ZNF229: variants seen among roughly 807,000 people sequenced by gnomAD.
The protein encoded by ZNF229 is zinc finger protein 229.
In ZNF229, 10 loss-of-function variants were observed where a neutral mutation model predicts 11.8. The ratio of observed to expected loss-of-function variants is 0.85; its 90% CI spans 0.52 to 1.44. The LOEUF (loss-of-function observed/expected upper bound fraction) is 1.44, where lower values mean the gene tolerates loss of function less well. Ranked by LOEUF, ZNF229 falls within the 40% of genes most tolerant of loss-of-function variation. The pLI is 0.00. For missense variants in ZNF229, 1,045 were observed against 1,015.1 expected (o/e 1.03, Z -0.40); for synonymous variants, 368 against 374.8 (o/e 0.98, Z 0.21).
intron 3 of ZNF229, 48 bp from the exon 4 acceptor site, chr19:44,442,669 G>A (rs1971934078): frequency 6.2e-7 from 1 of 1,609,646 alleles, no homozygotes; most frequent in East Asian, 2.2e-5. Context: ...GCTGCCTGAA[G>A]CTCTAGATCA....
chr19:44,429,518 T>C lies in ZNF229; in HGVS notation c.1263A>G (p.Gln421=). The change falls in exon 6 of 6, where the codon CAA becomes CAG. Residue 421 remains glutamine (Q), a synonymous_variant. Coordinates refer to ENST00000614049, the MANE Select transcript of ZNF229 (RefSeq NM_014518.4). ...GKGFSYSSVL[Q]VHQRLHTGEK... is the part of the protein sequence containing the mutation. Reference sequence around the variant, plus strand: ...CCCCTGTGTGCAGCCTCTGATGGACTTGAAGCACTGAGCTGTAACTGAAGC... The same window carrying C: ...CCCCTGTGTGCAGCCTCTGATGGACCTGAAGCACTGAGCTGTAACTGAAGC... 1 of 1,611,342 alleles carries C rather than the reference T, an allele frequency of 6.2e-7. No individual in the cohort carries two copies. The highest frequency in any genetic ancestry group is 8.5e-7 in the Non-Finnish European group (1 of 1,178,248).
chr19:44,430,365 G>C lies in ZNF229; in HGVS notation c.416C>G (p.Pro139Arg). ...KDFQFSEDAAPHQGWEGASTP... is the reference protein window; with the variant it reads ...KDFQFSEDAARHQGWEGASTP... ...AGATGCTCCTTCCCACCCTTGATGG[G>C]GAGCAGCATCTTCTGAGAACTGGAA... The change falls in exon 6 of 6, where the codon CCC becomes CGC. Residue 139 changes from proline to arginine, a missense_variant. By Grantham distance (103) the Pro-to-Arg change is moderately radical. Coordinates refer to ENST00000614049, the MANE Select transcript of ZNF229 (RefSeq NM_014518.4). The C allele has an allele frequency of 6.2e-7, 1 of 1,614,044 alleles. No homozygotes were observed.
chr19:44,431,685 T>C lies in ZNF229; in HGVS notation c.238+537A>G, dbSNP rs529864544. The stretch of plus-strand genomic sequence containing the variant: ...CACAGGCAAGACAAGGGGTGAGGAA[T>C]GGGACCTCCTGTGGGCAAGCTCACT... On this transcript the variant is annotated intron_variant, in intron 5 of 5. Transcript: ENST00000614049. 1,207 of 883,486 alleles carry C rather than the reference T, an allele frequency of 1.4e-3. 4 individuals are homozygous for C. The highest frequency in any genetic ancestry group is 1.5e-3 in the Admixed American group (24 of 16,152). 54.7% of individuals were successfully genotyped at this position (883,486 alleles called of 1,614,324 possible). A position where few individuals can be genotyped will look rare whatever the true frequency, so the allele number is the denominator to read the frequency against.
chr19:44,439,019 G>C (rs1341251607), intron 4 of ZNF229, among the ~76,000 whole-genome samples: 1 of 152,218 alleles, frequency 6.6e-6, no homozygotes, highest in Non-Finnish European at 1.5e-5. Flanking sequence ...GCCTAAACTT[G>C]CAACTGGTGG....
At chr19:44,437,967 A>C (rs1437713795) in intron 4 of ZNF229, among the ~76,000 whole-genome samples, 2 of 152,182 alleles carry the variant, frequency 1.3e-5, no homozygotes, top group African/African-American at 4.8e-5. Flanking sequence ...GGCCTACTTG[A>C]GAGTGGATAG....
chr19:44,429,628 C>A lies in ZNF229; in HGVS notation c.1153G>T (p.Ala385Ser). 1 of 1,614,100 alleles carries A rather than the reference C, an allele frequency of 6.2e-7. No individual in the cohort carries two copies. The change falls in exon 6 of 6, where the codon GCA becomes TCA. Residue 385 changes from alanine (A) to serine (S), a missense_variant. Transcript: ENST00000614049. The part of the protein sequence containing the change: ...RPYKCEECGK[A>S]FGRSSNLLVH... The stretch of plus-strand genomic sequence containing the variant: ...AGCAGGTTTGAACTTCGACCAAATG[C>A]CTTCCCACACTCCTCACATTTATAG...
chr19:44,437,661 TGC>T (rs1971837359), intron 4 of ZNF229, among the ~76,000 whole-genome samples: 1 of 152,086 alleles, frequency 6.6e-6, no homozygotes, highest in African/African-American at 2.4e-5. Context: ...TAAAGACACA[TGC>T]ACACACATGT....
In ZNF229 at chr19:44,429,271, G is replaced by C; in HGVS notation, c.1510C>G (p.Leu504Val). Residue 504 changes from leucine to valine, a missense_variant, in exon 6 of 6, where the codon CTT becomes GTT. Physicochemically the swap from Leu to Val is conservative, Grantham distance 32 (BLOSUM62 1). Coordinates refer to ENST00000614049, the MANE Select transcript of ZNF229 (RefSeq NM_014518.4). ...ATGTGAACTCTCTGGTGAGCTTGAA[G>C]GTACGAGTTGTGACTGAAACCTTTG... The part of the protein sequence containing the change: ...CGKGFSHNSY[L>V]QAHQRVHMGQ... 6.2e-7 allele frequency: 1 copy of C among 1,614,140 alleles called. No individual in the cohort carries two copies. Among genetic ancestry groups the C allele is most frequent in the African/African-American group, 1.3e-5 (1 of 74,992 alleles).
intron 4 of ZNF229, among the ~76,000 whole-genome samples, chr19:44,435,345 T>G (rs188712184): frequency 2.0e-3 from 303 of 152,232 alleles, no homozygotes; most frequent in African/African-American, 7.0e-3. Context: ...ACAGTGACAC[T>G]CATGGCTAAG....
chr19:44,430,303 G>A lies in ZNF229; in HGVS notation c.478C>T (p.Leu160=). The A allele has an allele frequency of 6.2e-7, 1 of 1,614,112 alleles. No individual in the cohort carries two copies. Among genetic ancestry groups the A allele is most frequent in the Non-Finnish European group, 8.5e-7 (1 of 1,180,042 alleles). The change falls in exon 6 of 6, where the codon CTA becomes TTA. Residue 160 remains leucine, a synonymous_variant. Coordinates refer to ENST00000614049, the MANE Select transcript of ZNF229 (RefSeq NM_014518.4). ...CFPIENFLDS[L]QGDGLIGLEN... The stretch of plus-strand genomic sequence containing the variant: ...AGACCGATAAGCCCATCCCCTTGTA[G>A]ACTGTCCAGGAAATTCTCAATTGGA...
At position 44,429,038 on chromosome 19, in the gene ZNF229, G is replaced by A. The variant is rs1037092346; in HGVS notation, c.1743C>T (p.Phe581=). The part of the protein sequence containing the change: ...PYKCSECGKG[F]RRNSDLHSHQ... ...GGCTGTGAAGGTCTGAATTCCGCCGGAAGCCCTTCCCACACTCACTGCATT... is the reference window on the plus strand; with the variant it reads ...GGCTGTGAAGGTCTGAATTCCGCCGAAAGCCCTTCCCACACTCACTGCATT... Residue 581 remains phenylalanine, a synonymous_variant, in exon 6 of 6, where the codon TTC becomes TTT. Transcript: ENST00000614049. 8.7e-6 allele frequency: 14 copies of A among 1,613,050 alleles called. No individual in the cohort carries two copies. The highest frequency in any genetic ancestry group is 1.3e-5 in the African/African-American group (1 of 74,528).
intron 4 of ZNF229, among the ~76,000 whole-genome samples, chr19:44,438,267 T>C (rs1183035201): frequency 6.6e-6 from 1 of 152,186 alleles, no homozygotes; most frequent in African/African-American, 2.4e-5. Flanking sequence ...AATACAAATA[T>C]AGCCAATATA....
rs1361343542 is a variant in ZNF229, at chr19:44,447,565, T to C, written c.-230A>G. The C allele has an allele frequency of 2.0e-5, 3 of 152,092 alleles. No homozygotes were observed. Among genetic ancestry groups the C allele is most frequent in the South Asian group, 4.1e-4 (2 of 4,822 alleles). 9.4% of individuals were successfully genotyped at this position (152,092 alleles called of 1,614,324 possible). The stretch of plus-strand genomic sequence containing the variant: ...GGTTATTTCTCCTTCTTTTATACAA[T>C]TATCTCCGAGAAACGAACAATTCCA... On this transcript the variant is annotated 5_prime_UTR_variant, in exon 2 of 6. Transcript: ENST00000614049.
Position 44,426,630 on chromosome 19 carries a change from ATCTAAAAAATTT to A in ZNF229, c.*1661_*1672del, listed in dbSNP as rs1193990809. On this transcript the variant is annotated 3_prime_UTR_variant, in exon 6 of 6. Coordinates refer to ENST00000614049, the MANE Select transcript of ZNF229 (RefSeq NM_014518.4). ...CCATTGCATACATATGCCTGAACTT[ATCTAAAAAATTT>A]CCTACCAATGGAAACTGGAATATTA... 1 of 152,168 alleles carries A rather than the reference ATCTAAAAAATTT, an allele frequency of 6.6e-6. No individual in the cohort carries two copies. The highest frequency in any genetic ancestry group is 1.9e-4 in the East Asian group (1 of 5,202). 9.4% of individuals were successfully genotyped at this position (152,168 alleles called of 1,614,324 possible).
chr19:44,427,431 C>T lies in ZNF229; in HGVS notation c.*872G>A, dbSNP rs1189177951. ...ATTCCTAGAAATATGCTTAAGATGA[C>T]TCAGAACCTATTTTTAACCATCTCT... On this transcript the variant is annotated 3_prime_UTR_variant, in exon 6 of 6. Transcript: ENST00000614049. 6.6e-6 allele frequency: 1 copy of T among 151,682 alleles called. No individual in the cohort carries two copies. The highest frequency in any genetic ancestry group is 1.5e-5 in the Non-Finnish European group (1 of 68,006). The allele number at this position is 151,682 out of a possible 1,614,324, so 9.4% of individuals were successfully genotyped here. A position where few individuals can be genotyped will look rare whatever the true frequency, so the allele number is the denominator to read the frequency against.
intron 5 of ZNF229, 50 bp from the exon 6 acceptor site, chr19:44,430,592 C>T: frequency 1.3e-6 from 2 of 1,508,280 alleles, no homozygotes; most frequent in Non-Finnish European, 1.8e-6. Context: ...AAGACTGGCT[C>T]AGGGACATCA....
intron 4 of ZNF229, among the ~76,000 whole-genome samples, chr19:44,436,110 T>C (rs985434931): frequency 2.0e-5 from 3 of 152,132 alleles, no homozygotes; most frequent in Non-Finnish European, 4.4e-5. Flanking sequence ...ACTGCAATAT[T>C]TACAGGGAGA....
rs1971669943 is a variant in ZNF229, at chr19:44,429,601, C to T, written c.1180G>A (p.Val394Ile). The change falls in exon 6 of 6, where the codon GTC becomes ATC. Residue 394 changes from valine to isoleucine, a missense_variant. By Grantham distance (29) the Val-to-Ile change is conservative. Coordinates refer to ENST00000614049, the MANE Select transcript of ZNF229 (RefSeq NM_014518.4). ...TCTCCAGTGTGGACCCTCTGATGGA[C>T]AAGCAGGTTTGAACTTCGACCAAAT... ...KAFGRSSNLL[V>I]HQRVHTGEKP... 3.7e-6 allele frequency: 6 copies of T among 1,613,884 alleles called. No homozygotes were observed. The South Asian group carries it at 4.4e-5, about 12-fold the overall frequency.
chr19:44,431,330 A>C (rs1005525422), intron 5 of ZNF229, among the ~76,000 whole-genome samples: 1 of 152,134 alleles, frequency 6.6e-6, no homozygotes, highest in Non-Finnish European at 1.5e-5. Flanking sequence ...TGATTTTAAA[A>C]ATTTGTCCAT....
Sources: gnomAD v4.1 joint callset for allele counts (sites outside exome capture counted in the v4.1 genomes callset) on GRCh38, gnomAD v4.1.1 for gene constraint, MANE v1.5 for transcripts, NCBI Gene and HGNC (gene_info 2026-07-23, HGNC 2026-07-21) for gene names.